The following NLGN4X variants were observed in gnomAD, a reference collection of about 807,000 sequenced individuals.
NLGN4X encodes neuroligin 4 X-linked, also known as neuroligin-4, X-linked.
A neutral mutation model predicts 40.3 loss-of-function variants in NLGN4X; 3 were observed. The ratio of observed to expected loss-of-function variants is 0.07; its 90% CI spans 0.03 to 0.19. The LOEUF (loss-of-function observed/expected upper bound fraction) is 0.19. Among genes scored for constraint, NLGN4X ranks in the 10% least tolerant of loss-of-function variants. The pLI, the probability that NLGN4X is intolerant of heterozygous loss-of-function variation, is 1.00. For synonymous variants in NLGN4X, 270 were observed against 306.8 expected (o/e 0.88, Z 1.25); for missense variants, 382 against 708.3 (o/e 0.54, Z 5.23).
chrX:5,907,642 T>A (rs1317204372), intron 4 of NLGN4X, among the ~76,000 whole-genome samples: 1 of 110,706 alleles, frequency 9.0e-6, no homozygotes, highest in Non-Finnish European at 1.9e-5. Flanking sequence ...AACATCAGCT[T>A]TTTCCAGGTT....
intron 3 of NLGN4X, among the ~76,000 whole-genome samples, chrX:5,926,923 A>T (rs2033346408): frequency 1.1e-5 from 1 of 91,543 alleles, no homozygotes; most frequent in Non-Finnish European, 2.1e-5. Context: ...GCTCTAACAT[A>T]TCTCTATATC....
chrX:5,965,403 T>C (rs996007918), intron 3 of NLGN4X, among the ~76,000 whole-genome samples: 6 of 112,091 alleles, frequency 5.4e-5, no homozygotes, highest in Admixed American at 3.8e-4. Context: ...TTGGGCTCCA[T>C]TCTTCTTGAA....
At chrX:6,183,143 T>C (rs867254535) in intron 1 of NLGN4X, among the ~76,000 whole-genome samples, 14 of 112,242 alleles carry the variant, frequency 1.2e-4, no homozygotes, top group African/African-American at 3.6e-4. Context: ...TGGAAAACAT[T>C]TGTAGAAAAA....
intron 3 of NLGN4X, among the ~76,000 whole-genome samples, chrX:5,979,914 G>A (rs994035896): frequency 3.1e-4 from 32 of 103,899 alleles, no homozygotes; most frequent in Non-Finnish European, 5.4e-4. Context: ...ATACTATACT[G>A]TATACAATTT....
chrX:6,191,843 A>G (rs1922569921), intron 1 of NLGN4X, among the ~76,000 whole-genome samples: 1 of 111,950 alleles, frequency 8.9e-6, no homozygotes, highest in African/African-American at 3.2e-5. Flanking sequence ...TGGATGAAAG[A>G]GCGAGATTCT....
Position 6,151,621 on chromosome X carries a change from G to A in NLGN4X, c.-155C>T. 2 of 496,725 alleles carry A rather than the reference G, an allele frequency of 4.0e-6. No homozygotes were observed. The highest frequency in any genetic ancestry group is 3.7e-5 in the East Asian group (1 of 27,239). The allele number at this position is 496,725 out of a possible 1,213,427, so 40.9% of individuals were successfully genotyped here. On this transcript the variant is annotated 5_prime_UTR_variant, in exon 2 of 6. Transcript: ENST00000381095. Reference sequence around the variant, plus strand: ...GATCACAGACAGAGCCTGAGGTTAAGAACAAGCACAGCCGTTTTCTTGGCA... The same window carrying A: ...GATCACAGACAGAGCCTGAGGTTAAAAACAAGCACAGCCGTTTTCTTGGCA...
At chrX:6,036,909 C>T (rs928706854) in intron 2 of NLGN4X, among the ~76,000 whole-genome samples, 2 of 111,216 alleles carry the variant, frequency 1.8e-5, no homozygotes, top group African/African-American at 6.5e-5. Flanking sequence ...TTTTTTTTAG[C>T]CTGTTCCTCT....
At chrX:6,081,807 G>C (rs1250811248) in intron 2 of NLGN4X, among the ~76,000 whole-genome samples, 1 of 112,144 alleles carries the variant, frequency 8.9e-6, no homozygotes, top group East Asian at 2.8e-4. Context: ...AAGCCCAAGA[G>C]GAATAAAATT....
chrX:5,979,726 G>GTGTGTATATATACACATACATATATA (rs2035317330), intron 3 of NLGN4X, among the ~76,000 whole-genome samples: 1 of 50,243 alleles, frequency 2.0e-5, no homozygotes. Flanking sequence ...ATATATATAT[G>GTGTGTATATATACACATACATATATA]TGTGTATATA....
intron 1 of NLGN4X, among the ~76,000 whole-genome samples, chrX:6,214,449 A>C (rs1029867407): frequency 8.9e-6 from 1 of 111,950 alleles, no homozygotes; most frequent in Non-Finnish European, 1.9e-5. Flanking sequence ...TTCAATGCAC[A>C]GGCTCACCCG....
chrX:5,999,107 C>A (rs1013306597), intron 3 of NLGN4X, among the ~76,000 whole-genome samples: 3 of 111,474 alleles, frequency 2.7e-5, no homozygotes, highest in African/African-American at 9.8e-5. Context: ...AACTAAAACC[C>A]CAGTTGCCAC....
At chrX:6,077,310 G>GTGTGTGGT (rs1168394609) in intron 2 of NLGN4X, among the ~76,000 whole-genome samples, 13 of 102,538 alleles carry the variant, frequency 1.3e-4, no homozygotes, top group African/African-American at 2.8e-4. Flanking sequence ...GTGTGTGTGT[G>GTGTGTGGT]GTGTGTGTGT....
chrX:6,221,870 T>C (rs1925745272), intron 1 of NLGN4X, among the ~76,000 whole-genome samples: 1 of 111,167 alleles, frequency 9.0e-6, no homozygotes, highest in East Asian at 2.8e-4. Flanking sequence ...GAGCCACATA[T>C]TGGTGGTGTT....
chrX:6,068,899 G>T (rs927484139), intron 2 of NLGN4X, among the ~76,000 whole-genome samples: 42 of 112,472 alleles, frequency 3.7e-4, no homozygotes, highest in African/African-American at 1.3e-3. Context: ...AATACCTTAT[G>T]AGGTGCTAGA....
At chrX:5,905,681 T>C in intron 4 of NLGN4X, among the ~76,000 whole-genome samples, 1 of 112,202 alleles carries the variant, frequency 8.9e-6, no homozygotes, top group East Asian at 2.8e-4. Context: ...ACAGTCTGGC[T>C]ATATTTATTT....
chrX:6,077,289 T>TGC (rs2147386583), intron 2 of NLGN4X, among the ~76,000 whole-genome samples: 1 of 100,806 alleles, frequency 9.9e-6, no homozygotes, highest in South Asian at 4.8e-4. Flanking sequence ...TGTGTGTGTG[T>TGC]GTGTGTCTGT....
intron 2 of NLGN4X, among the ~76,000 whole-genome samples, chrX:6,141,729 G>C (rs1024865803): frequency 7.2e-5 from 8 of 111,084 alleles, no homozygotes; most frequent in Non-Finnish European, 1.1e-4. Context: ...TGAGGCAGGA[G>C]AATCACTTGA....
chrX:6,011,823 G>A (rs2036260511), intron 3 of NLGN4X, among the ~76,000 whole-genome samples: 2 of 110,656 alleles, frequency 1.8e-5, no homozygotes, highest in Non-Finnish European at 3.8e-5. Context: ...GTGGGGTGAG[G>A]AAAAAGTAAA....
At chrX:6,120,006 T>C (rs1051655841) in intron 2 of NLGN4X, among the ~76,000 whole-genome samples, 5 of 111,119 alleles carry the variant, frequency 4.5e-5, no homozygotes, top group Non-Finnish European at 9.4e-5. Context: ...ATTCAGAAAA[T>C]TGCTACGTAA....
Sources: allele counts gnomAD v4.1 joint callset (sites outside exome capture counted in the v4.1 genomes callset), GRCh38; gene constraint gnomAD v4.1.1; transcripts MANE v1.5; gene names NCBI Gene and HGNC (gene_info 2026-07-23, HGNC 2026-07-21).